The following CCDC150 variants were observed in gnomAD, a reference collection of about 807,000 sequenced individuals.
CCDC150 encodes coiled-coil domain-containing protein 150.
In CCDC150, 151 loss-of-function variants were observed where a neutral mutation model predicts 156.5. The ratio of observed to expected loss-of-function variants is 0.97; its 90% CI spans 0.85 to 1.10. The LOEUF (loss-of-function observed/expected upper bound fraction) is 1.10. Among genes scored for constraint, CCDC150 ranks in the 50% least tolerant of loss-of-function variants. The pLI is 0.00. For missense variants in CCDC150, 1,312 were observed against 1,268.1 expected, an observed-to-expected ratio of 1.03 and a Z score of -0.53; for synonymous variants, 452 against 429.4, an observed-to-expected ratio of 1.05 and a Z score of -0.65.
intron 2 of CCDC150, among the ~76,000 whole-genome samples, chr2:196,651,701 C>T (rs1692883663): frequency 1.3e-5 from 2 of 150,312 alleles, no homozygotes. Context: ...GCTTTTAAAA[C>T]TCTTTGTCTT....
At chr2:196,656,196 C>T (rs1375431454) in intron 2 of CCDC150, among the ~76,000 whole-genome samples, 1 of 152,086 alleles carries the variant, frequency 6.6e-6, no homozygotes, top group Non-Finnish European at 1.5e-5. Flanking sequence ...GAATTAAAAG[C>T]CACACTGTGG....
chr2:196,703,823 T>C (rs565414806), intron 15 of CCDC150, among the ~76,000 whole-genome samples: 1 of 152,368 alleles, frequency 6.6e-6, no homozygotes, highest in African/African-American at 2.4e-5. Context: ...TTAGAAATTA[T>C]CCAGATTCTG....
chr2:196,724,796 C>G (rs535895951), intron 21 of CCDC150, among the ~76,000 whole-genome samples: 2 of 152,262 alleles, frequency 1.3e-5, no homozygotes, highest in South Asian at 2.1e-4. Flanking sequence ...TTCTATATCT[C>G]CATGAATTTT....
chr2:196,677,575 G>A (rs1313009524), intron 13 of CCDC150, among the ~76,000 whole-genome samples: 3 of 152,182 alleles, frequency 2.0e-5, no homozygotes, highest in Non-Finnish European at 4.4e-5. Context: ...ATGTTTGCCA[G>A]TGAGTCATCA....
At chr2:196,713,367 G>GA (rs1697268028) in intron 17 of CCDC150, 2 of 1,474,004 alleles carry the variant, frequency 1.4e-6, no homozygotes, top group Non-Finnish European at 1.8e-6. Flanking sequence ...ATGCCTCTAA[G>GA]AAAAAGGAAA....
chr2:196,732,286 C>G, intron 27 of CCDC150, 134 bp downstream of exon 27: 1 of 1,196,310 alleles, frequency 8.4e-7, no homozygotes, highest in Non-Finnish European at 1.2e-6. Context: ...GCTAGGAAAC[C>G]AATTAATTTC....
chr2:196,693,878 C>A (rs371321357), intron 13 of CCDC150, among the ~76,000 whole-genome samples: 1 of 151,728 alleles, frequency 6.6e-6, no homozygotes, highest in Admixed American at 6.6e-5. Context: ...TCTTTTACTG[C>A]GAGTATTAAG....
intron 19 of CCDC150, chr2:196,720,287 TA>T: frequency 2.7e-6 from 1 of 366,330 alleles, no homozygotes; most frequent in Non-Finnish European, 5.3e-6. Flanking sequence ...CTTTTTTACA[TA>T]GTATGAAAGT....
chr2:196,704,162 A>C (rs1300719964), intron 15 of CCDC150, among the ~76,000 whole-genome samples: 1 of 152,238 alleles, frequency 6.6e-6, no homozygotes, highest in African/African-American at 2.4e-5. Flanking sequence ...TTGGTAAAAG[A>C]CTACATTTTC....
intron 5 of CCDC150, among the ~76,000 whole-genome samples, chr2:196,664,634 T>C (rs914906539): frequency 2.0e-5 from 3 of 152,198 alleles, no homozygotes; most frequent in Non-Finnish European, 2.9e-5. Flanking sequence ...GATTAAATCA[T>C]TGGCCATTGA....
chr2:196,730,237 GT>G, intron 25 of CCDC150, 119 bp downstream of exon 25: 1 of 818,816 alleles, frequency 1.2e-6, no homozygotes, highest in Non-Finnish European at 1.8e-6. Flanking sequence ...TTTACAAATT[GT>G]TTATCTTAGC....
chr2:196,706,309 T>C (rs911439838), intron 15 of CCDC150, among the ~76,000 whole-genome samples: 3 of 152,228 alleles, frequency 2.0e-5, no homozygotes, highest in African/African-American at 7.2e-5. Flanking sequence ...ACTCATGATT[T>C]GGCTGTTTGT....
chr2:196,647,653 T>G (rs983151303), intron 2 of CCDC150, among the ~76,000 whole-genome samples: 2 of 152,096 alleles, frequency 1.3e-5, no homozygotes, highest in African/African-American at 4.8e-5. Context: ...TTGTATATAT[T>G]TATGGGGTAA....
chr2:196,692,004 T>A (rs1409265789), intron 13 of CCDC150, among the ~76,000 whole-genome samples: 2 of 152,104 alleles, frequency 1.3e-5, no homozygotes, highest in Non-Finnish European at 2.9e-5. Context: ...TGTCTCTATC[T>A]CCTTCAGTTC....
chr2:196,731,391 CT>C (rs11314304), intron 26 of CCDC150, among the ~76,000 whole-genome samples: 118,079 of 133,304 alleles, frequency 0.89, 52,199 homozygotes, highest in East Asian at 0.97. Context: ...TCAAATCATA[CT>C]TTTTTTTTTT....
At chr2:196,712,456 G>A (rs1028628852) in intron 16 of CCDC150, 28 of 577,424 alleles carry the variant, frequency 4.8e-5, no homozygotes, top group Middle Eastern at 8.4e-4. Flanking sequence ...CCTGAAGCAG[G>A]ATTGAGACAT....
At chr2:196,681,358 A>G (rs1694810011) in intron 13 of CCDC150, among the ~76,000 whole-genome samples, 1 of 152,128 alleles carries the variant, frequency 6.6e-6, no homozygotes, top group African/African-American at 2.4e-5. Flanking sequence ...CACACACACC[A>G]AATTTGTTTA....
chr2:196,719,759 C>T (rs760695125), intron 19 of CCDC150, 93 bp downstream of exon 19: 2 of 848,776 alleles, frequency 2.4e-6, no homozygotes, highest in South Asian at 8.2e-5. Context: ...TATGTAGCTT[C>T]CTTTACAAAA....
intron 1 of CCDC150, among the ~76,000 whole-genome samples, chr2:196,641,202 C>T (rs75546284): frequency 0.013 from 2,000 of 152,224 alleles, 41 homozygotes; most frequent in Admixed American, 0.049. Context: ...TGGTCTCGAT[C>T]TCCTGACCTC....
Sources: allele counts gnomAD v4.1 joint callset (sites outside exome capture counted in the v4.1 genomes callset), GRCh38; gene constraint gnomAD v4.1.1; transcripts MANE v1.5; gene names NCBI Gene and HGNC (gene_info 2026-07-23, HGNC 2026-07-21).